The following GABRB3 variants were observed in gnomAD, a reference collection of about 807,000 sequenced individuals.
GABRB3 encodes the protein gamma-aminobutyric acid receptor subunit beta-3.
A neutral mutation model predicts 52.1 loss-of-function variants in GABRB3; 14 were observed. The ratio of observed to expected loss-of-function variants is 0.27; its 90% confidence interval spans 0.18 to 0.42. The LOEUF (loss-of-function observed/expected upper bound fraction) is 0.42, where lower values mean the gene tolerates loss of function less well. GABRB3 is among the 10% of genes least tolerant of loss of function. The pLI, the probability that GABRB3 is intolerant of heterozygous loss-of-function variation, is 1.00. For synonymous variants in GABRB3, 260 were observed against 232.3 expected (o/e 1.12, Z -1.08); for missense variants, 307 against 609.1 (o/e 0.50, Z 5.22).
intron 6 of GABRB3, among the ~76,000 whole-genome samples, chr15:26,576,992 T>C (rs906505533): frequency 6.6e-6 from 1 of 152,102 alleles, no homozygotes; most frequent in Non-Finnish European, 1.5e-5. Context: ...CTCTAAAAGA[T>C]ACACCAAAAG....
chr15:26,773,592 G>C (rs533875207), upstream of GABRB3: 16 of 1,452,646 alleles, frequency 1.1e-5, no homozygotes, highest in Non-Finnish European at 1.4e-5. Context: ...GCCGGACTGC[G>C]GGCCGCCGCC....
intron 3 of GABRB3, among the ~76,000 whole-genome samples, chr15:26,735,455 A>G (rs59141095): frequency 0.15 from 22,179 of 152,272 alleles, 1,998 homozygotes; most frequent in East Asian, 0.31. Context: ...TTGCAAAAAG[A>G]TAGTTGTACA....
chr15:26,668,501 A>G (rs916863000), intron 3 of GABRB3, among the ~76,000 whole-genome samples: 1 of 151,950 alleles, frequency 6.6e-6, no homozygotes, highest in African/African-American at 2.4e-5. Context: ...AGCCTCATAC[A>G]TACAGTTTTC....
chr15:26,713,365 C>T (rs1210631444), intron 3 of GABRB3, among the ~76,000 whole-genome samples: 1 of 152,052 alleles, frequency 6.6e-6, no homozygotes, highest in African/African-American at 2.4e-5. Context: ...GTACCAGAGG[C>T]AGAGGATGGA....
At chr15:26,606,937 A>G (rs887791315) in intron 4 of GABRB3, among the ~76,000 whole-genome samples, 35 of 152,200 alleles carry the variant, frequency 2.3e-4, no homozygotes, top group African/African-American at 7.9e-4. Context: ...TAATAGTCAC[A>G]CAAAATTGAA....
chr15:26,657,606 T>C (rs376029845), intron 3 of GABRB3, among the ~76,000 whole-genome samples: 7 of 152,232 alleles, frequency 4.6e-5, no homozygotes, highest in African/African-American at 1.4e-4. Context: ...TTTATATATG[T>C]GGCCTTGTTG....
At chr15:26,685,519 C>T (rs1307157530) in intron 3 of GABRB3, among the ~76,000 whole-genome samples, 1 of 151,934 alleles carries the variant, frequency 6.6e-6, no homozygotes, top group Non-Finnish European at 1.5e-5. Flanking sequence ...ATGTGTTACC[C>T]CATATACGAG....
intron 3 of GABRB3, among the ~76,000 whole-genome samples, chr15:26,662,212 A>G (rs1445379445): frequency 6.6e-6 from 1 of 152,212 alleles, no homozygotes; most frequent in Non-Finnish European, 1.5e-5. Flanking sequence ...CATTTCATAC[A>G]AAGAAAATAG....
intron 8 of GABRB3, among the ~76,000 whole-genome samples, chr15:26,555,972 C>T (rs1038805420): frequency 6.6e-6 from 1 of 152,040 alleles, no homozygotes; most frequent in African/African-American, 2.4e-5. Context: ...AGCCAAATAA[C>T]TTAAACAGAT....
intron 4 of GABRB3, among the ~76,000 whole-genome samples, chr15:26,618,693 T>G (rs1443075268): frequency 6.6e-6 from 1 of 152,116 alleles, no homozygotes; most frequent in Non-Finnish European, 1.5e-5. Flanking sequence ...AAAGAGCTTC[T>G]GCATAGCAAA....
intron 6 of GABRB3, among the ~76,000 whole-genome samples, chr15:26,575,310 C>T (rs1395797664): frequency 1.3e-5 from 2 of 152,158 alleles, no homozygotes; most frequent in African/African-American, 4.8e-5. Context: ...TGGGAGTGAG[C>T]ACGCTCTGGT....
intron 8 of GABRB3, among the ~76,000 whole-genome samples, chr15:26,560,081 A>G (rs1889921942): frequency 6.6e-6 from 1 of 152,200 alleles, no homozygotes; most frequent in African/African-American, 2.4e-5. Flanking sequence ...GCTTCCGTAG[A>G]ACAAATTCAC....
chr15:26,673,404 T>C (rs1887959148), intron 3 of GABRB3, among the ~76,000 whole-genome samples: 2 of 152,226 alleles, frequency 1.3e-5, no homozygotes. Flanking sequence ...AAGTGAGTTC[T>C]TGTGGCCACT....
intron 3 of GABRB3, among the ~76,000 whole-genome samples, chr15:26,700,688 T>C (rs1595538179): frequency 7.6e-6 from 1 of 130,994 alleles, no homozygotes; most frequent in Admixed American, 6.9e-5. Context: ...TTCAACATAC[T>C]AAGAAAAAAA....
intron 3 of GABRB3, among the ~76,000 whole-genome samples, chr15:26,706,344 G>A (rs1889101904): frequency 6.6e-6 from 1 of 152,000 alleles, no homozygotes; most frequent in Admixed American, 6.5e-5. Context: ...AGTGTTACAG[G>A]AGCCTAGAAA....
intron 3 of GABRB3, among the ~76,000 whole-genome samples, chr15:26,679,217 C>T (rs73370118): frequency 0.025 from 3,829 of 152,246 alleles, 148 homozygotes; most frequent in African/African-American, 0.087. Flanking sequence ...GGGGGAAAGT[C>T]CCTCTGCCCT....
chr15:26,577,624 G>A (rs1452712929), intron 6 of GABRB3, among the ~76,000 whole-genome samples: 2 of 152,146 alleles, frequency 1.3e-5, no homozygotes, highest in Admixed American at 6.5e-5. Context: ...AAATCACAAA[G>A]TCATCTGCAG....
intron 3 of GABRB3, among the ~76,000 whole-genome samples, chr15:26,648,034 A>G (rs1218878071): frequency 6.6e-6 from 1 of 152,244 alleles, no homozygotes; most frequent in Non-Finnish European, 1.5e-5. Flanking sequence ...GTAAGTGTTC[A>G]GTTCAGCAGC....
chr15:26,592,951 G>T (rs1891260267), intron 4 of GABRB3, among the ~76,000 whole-genome samples: 1 of 151,582 alleles, frequency 6.6e-6, no homozygotes, highest in Non-Finnish European at 1.5e-5. Context: ...GGAGGTGGAG[G>T]TTACAGTGAG....
Sources: gnomAD v4.1 joint callset for allele counts (sites outside exome capture counted in the v4.1 genomes callset) on GRCh38, gnomAD v4.1.1 for gene constraint, MANE v1.5 for transcripts, NCBI Gene and HGNC (gene_info 2026-07-23, HGNC 2026-07-21) for gene names.